ERC2: variants seen among roughly 807,000 people sequenced by gnomAD.
ERC2 encodes ELKS/RAB6-interacting/CAST family member 2, also known as ERC protein 2.
ERC2 carries 42 observed loss-of-function variants against 114.8 expected under a neutral mutation model. The observed-to-expected ratio is 0.37, with a 90% confidence interval of 0.29 to 0.47. The LOEUF (loss-of-function observed/expected upper bound fraction) is 0.47. Ranked by LOEUF, ERC2 falls within the 20% of genes least tolerant of loss-of-function variation. ERC2 has a pLI of 0.99. For missense variants in ERC2, 939 were observed against 1,150.7 expected, an observed-to-expected ratio of 0.82 and a Z score of 2.66; for synonymous variants, 454 against 425.5, an observed-to-expected ratio of 1.07 and a Z score of -0.82.
At chr3:56,442,038 A>T (rs973263467) in intron 1 of ERC2, among the ~76,000 whole-genome samples, 37 of 152,110 alleles carry the variant, frequency 2.4e-4, no homozygotes, top group African/African-American at 8.5e-4. Flanking sequence ...AATTTTTAAA[A>T]AATCAAAATG....
At chr3:56,252,712 G>A (rs918045962) in intron 3 of ERC2, among the ~76,000 whole-genome samples, 20 of 133,828 alleles carry the variant, frequency 1.5e-4, no homozygotes, top group African/African-American at 3.7e-4. Flanking sequence ...AGCCAAGGTC[G>A]CGCCATTGAA....
intron 3 of ERC2, among the ~76,000 whole-genome samples, chr3:56,179,957 A>C (rs1355618234): frequency 6.6e-6 from 1 of 152,094 alleles, no homozygotes; most frequent in Non-Finnish European, 1.5e-5. Context: ...CATAGAAAGA[A>C]GAGAGATCAG....
chr3:56,125,206 T>C (rs907162274), intron 6 of ERC2, among the ~76,000 whole-genome samples: 1 of 152,126 alleles, frequency 6.6e-6, no homozygotes, highest in South Asian at 2.1e-4. Context: ...ATAAATCTTC[T>C]CTCTTTCTAA....
chr3:55,591,799 GT>G lies in ERC2; in HGVS notation c.*40-80524del, dbSNP rs557763320. On this transcript the variant is annotated intron_variant, in intron 17 of 17. Transcript: ENST00000288221. ...TCTTGTCCTTCTTCTATCCTGTGAG[GT>G]ACATTCTATTTTTCCCATTTCACCA... Among the ~76,000 whole-genome samples the G allele has an allele frequency of 7.9e-5, 12 of 152,182 alleles. No homozygotes were observed. In the East Asian group the frequency reaches 1.9e-3, roughly 24 times the overall value.
Position 55,858,395 on chromosome 3 carries a change from T to G in ERC2, c.2564+29994A>C, listed in dbSNP as rs573370220. Among the ~76,000 whole-genome samples the G allele has an allele frequency of 9.2e-5, 14 of 152,330 alleles. No individual in the cohort carries two copies. In the South Asian group the frequency reaches 2.9e-3, roughly 32 times the overall value. ...TTAACTCTAAAATAAAAGCTCTTAT[T>G]CAACATACTTAAAAGTACTTAAAAC... is the stretch of plus-strand genomic sequence containing the variant. On this transcript the variant is annotated intron_variant, in intron 14 of 17. Coordinates refer to ENST00000288221, the MANE Select transcript of ERC2 (RefSeq NM_015576.3).
At chr3:56,032,909 A>AAGAAAGAGAGAGAGAGAC (rs2074474705) in intron 7 of ERC2, among the ~76,000 whole-genome samples, 1 of 56,876 alleles carries the variant, frequency 1.8e-5, no homozygotes, top group East Asian at 4.1e-4. Context: ...GACAGAAAGA[A>AAGAAAGAGAGAGAGAGAC]AGAAAGAAAG....
chr3:56,081,752 G>A (rs73091068), intron 6 of ERC2, among the ~76,000 whole-genome samples: 161 of 151,916 alleles, frequency 1.1e-3, no homozygotes, highest in Middle Eastern at 3.4e-3. Flanking sequence ...ACTCAGATTA[G>A]ATCATAGAAA....
chr3:56,454,840 C>G (rs1014580455), intron 1 of ERC2, among the ~76,000 whole-genome samples: 4 of 98,932 alleles, frequency 4.0e-5, no homozygotes, highest in Middle Eastern at 0.022. Flanking sequence ...ACTTGGGCAA[C>G]AGAGTGAGAC....
Position 56,434,810 on chromosome 3 carries a change from A to T in ERC2, c.198T>A (p.Asp66Glu). ...AGGTTGTTGAAGCCACCCCTTCATG[A>T]TCACTCAGATACATGGGTCCAGACG... The part of the protein sequence containing the change: ...YATSGPMYLS[D>E]HEGVASTTYP... The change falls in exon 2 of 18, where the codon GAT becomes GAA. Residue 66 changes from aspartate (D) to glutamate (E), a missense_variant. Asp to Glu is a conservative substitution (Grantham distance 45). Coordinates refer to ENST00000288221, the MANE Select transcript of ERC2 (RefSeq NM_015576.3). 1 of 1,613,858 alleles carries T rather than the reference A, an allele frequency of 6.2e-7. No individual in the cohort carries two copies. The highest frequency in any genetic ancestry group is 8.5e-7 in the Non-Finnish European group (1 of 1,179,858).
chr3:56,318,777 C>T (rs2056986859), intron 2 of ERC2, among the ~76,000 whole-genome samples: 1 of 148,604 alleles, frequency 6.7e-6, no homozygotes, highest in Non-Finnish European at 1.5e-5. Context: ...ATTAGGATGG[C>T]TGTTATAAAA....
At chr3:56,440,874 A>T (rs60277100) in intron 1 of ERC2, among the ~76,000 whole-genome samples, 10,326 of 152,290 alleles carry the variant, frequency 0.068, 670 homozygotes, top group African/African-American at 0.17. Context: ...TTATAACACA[A>T]GATTTTTGAC....
At chr3:55,898,299 C>T (rs574127127) in intron 13 of ERC2, among the ~76,000 whole-genome samples, 69 of 152,174 alleles carry the variant, frequency 4.5e-4, no homozygotes, top group African/African-American at 1.6e-3. Context: ...GGGTATATCT[C>T]GAGCAGCTGG....
chr3:55,580,537 G>A (rs1243065026), intron 17 of ERC2, among the ~76,000 whole-genome samples: 1 of 152,140 alleles, frequency 6.6e-6, no homozygotes, highest in South Asian at 2.1e-4. Flanking sequence ...AATCACAGGT[G>A]CTAATTGCTT....
chr3:55,787,114 G>T (rs905464059), intron 14 of ERC2, among the ~76,000 whole-genome samples: 1 of 152,146 alleles, frequency 6.6e-6, no homozygotes, highest in African/African-American at 2.4e-5. Context: ...TGTAAGAAAA[G>T]AATAAAAATA....
At chr3:56,416,090 G>A (rs2061142645) in intron 2 of ERC2, among the ~76,000 whole-genome samples, 2 of 152,188 alleles carry the variant, frequency 1.3e-5, no homozygotes, top group South Asian at 4.1e-4. Context: ...GAGGTCCAGG[G>A]AAAAGACGTG....
chr3:56,342,588 C>G (rs2058130793), intron 2 of ERC2, among the ~76,000 whole-genome samples: 2 of 152,104 alleles, frequency 1.3e-5, no homozygotes, highest in African/African-American at 4.8e-5. Flanking sequence ...CCAGAGTGTA[C>G]CAGGATGGAC....
chr3:56,163,026 A>G (rs948282947), intron 4 of ERC2, among the ~76,000 whole-genome samples: 1 of 151,996 alleles, frequency 6.6e-6, no homozygotes, highest in Non-Finnish European at 1.5e-5. Flanking sequence ...TCCTCTTAAC[A>G]CTGCTTTTGC....
intron 17 of ERC2, among the ~76,000 whole-genome samples, chr3:55,562,069 C>T (rs909429336): frequency 6.6e-6 from 1 of 152,190 alleles, no homozygotes; most frequent in African/African-American, 2.4e-5. Context: ...GATAGCATCG[C>T]CTGGGCTGCT....
At chr3:55,548,577 G>A (rs560102168) in intron 17 of ERC2, among the ~76,000 whole-genome samples, 5 of 152,310 alleles carry the variant, frequency 3.3e-5, no homozygotes, top group African/African-American at 4.8e-5. Context: ...ACAGACATAC[G>A]TGTGTCAGCA....
Sources: gnomAD v4.1 joint callset for allele counts (sites outside exome capture counted in the v4.1 genomes callset) on GRCh38, gnomAD v4.1.1 for gene constraint, MANE v1.5 for transcripts, NCBI Gene and HGNC (gene_info 2026-07-23, HGNC 2026-07-21) for gene names.